The following SNTG1 variants were observed in gnomAD, a reference collection of about 807,000 sequenced individuals.
SNTG1 encodes gamma-1-syntrophin.
Under a neutral mutation model 74.7 loss-of-function variants are expected in SNTG1, and 39 were observed. The observed-to-expected ratio is 0.52, with a 90% confidence interval of 0.40 to 0.68. The LOEUF is 0.68. SNTG1 is among the 30% of genes least tolerant of loss of function. The pLI is 0.00. For synonymous variants in SNTG1, 254 were observed against 217.1 expected, an observed-to-expected ratio of 1.17 and a Z score of -1.49; for missense variants, 685 against 609.5, an observed-to-expected ratio of 1.12 and a Z score of -1.30.
intron 2 of SNTG1, among the ~76,000 whole-genome samples, chr8:50,317,566 G>A (rs13248969): frequency 0.47 from 71,408 of 151,936 alleles, 19,366 homozygotes; most frequent in East Asian, 0.83. Context: ...TGTATGAAAC[G>A]TGTTAGCACA....
At chr8:50,277,204 A>T (rs1586931428) in intron 2 of SNTG1, among the ~76,000 whole-genome samples, 1 of 149,428 alleles carries the variant, frequency 6.7e-6, no homozygotes, top group South Asian at 2.1e-4. Flanking sequence ...GAAATCAAGG[A>T]TACAGTGAGC....
chr8:50,740,281 A>T (rs2095539874), intron 17 of SNTG1, among the ~76,000 whole-genome samples: 1 of 152,050 alleles, frequency 6.6e-6, no homozygotes, highest in Non-Finnish European at 1.5e-5. Flanking sequence ...ACAAGAAAAA[A>T]AAAACAGCCT....
At chr8:50,022,670 G>C (rs1563485346) in intron 1 of SNTG1, among the ~76,000 whole-genome samples, 1 of 152,186 alleles carries the variant, frequency 6.6e-6, no homozygotes, top group Non-Finnish European at 1.5e-5. Flanking sequence ...TCGTTCATCT[G>C]CCTGCTCAGG....
At chr8:50,386,658 T>C (rs13282159) in intron 2 of SNTG1, among the ~76,000 whole-genome samples, 4,855 of 152,164 alleles carry the variant, frequency 0.032, 105 homozygotes, top group Non-Finnish European at 0.046. Context: ...CCAGGAAGCT[T>C]TTAGTCACAG....
At chr8:50,590,713 AG>A (rs1472203195) in intron 12 of SNTG1, among the ~76,000 whole-genome samples, 165 bp from the exon 13 acceptor site, 1 of 152,176 alleles carries the variant, frequency 6.6e-6, no homozygotes, top group African/African-American at 2.4e-5. Flanking sequence ...AATTTTAAAA[AG>A]AAAAAATCTG....
At chr8:50,566,305 G>A (rs927409339) in intron 12 of SNTG1, among the ~76,000 whole-genome samples, 5 of 152,030 alleles carry the variant, frequency 3.3e-5, no homozygotes, top group African/African-American at 1.2e-4. Flanking sequence ...AAAACAACCG[G>A]AAACTTTGAG....
At chr8:50,659,014 TC>T (rs2095202047) in intron 15 of SNTG1, among the ~76,000 whole-genome samples, 1 of 152,186 alleles carries the variant, frequency 6.6e-6, no homozygotes, top group African/African-American at 2.4e-5. Context: ...TTTTTTTAAT[TC>T]TTTTTTTCTG....
At chr8:49,972,386 A>C (rs1811773001) in intron 1 of SNTG1, among the ~76,000 whole-genome samples, 1 of 152,200 alleles carries the variant, frequency 6.6e-6, no homozygotes, top group Non-Finnish European at 1.5e-5. Flanking sequence ...TAAAGACTTC[A>C]ATGTTAGACC....
chr8:50,289,152 C>T (rs2088948263), intron 2 of SNTG1, among the ~76,000 whole-genome samples: 1 of 152,028 alleles, frequency 6.6e-6, no homozygotes, highest in Admixed American at 6.6e-5. Flanking sequence ...GGGTAGAAGA[C>T]TACTATATAA....
chr8:49,977,381 G>T (rs1396886925), intron 1 of SNTG1, among the ~76,000 whole-genome samples: 1 of 152,126 alleles, frequency 6.6e-6, no homozygotes, highest in Admixed American at 6.5e-5. Context: ...TTGAAACTAG[G>T]AAGGATATGA....
chr8:50,027,536 C>A (rs1216375907), intron 1 of SNTG1, among the ~76,000 whole-genome samples: 2 of 152,116 alleles, frequency 1.3e-5, no homozygotes, highest in Non-Finnish European at 2.9e-5. Flanking sequence ...AGGAAGGGTG[C>A]CATATGACGA....
At chr8:50,779,573 A>G (rs1416389236) in intron 18 of SNTG1, among the ~76,000 whole-genome samples, 1 of 152,150 alleles carries the variant, frequency 6.6e-6, no homozygotes, top group Non-Finnish European at 1.5e-5. Context: ...GACTTTGCCG[A>G]AGTTGCTTAT....
chr8:50,732,107 A>G lies in SNTG1; in HGVS notation c.1285-19894A>G, dbSNP rs566418655. 4.9e-4 allele frequency among the ~76,000 whole-genome samples: 75 copies of G among 152,144 alleles called. No individual in the cohort carries two copies. In the South Asian group the frequency reaches 0.015, roughly 30 times the overall value. Reference sequence around the variant, plus strand: ...TATCAAACCTCTTTCATATGACTCTAATACACATTCTTATAGCCAGAGGAA... The same window carrying G: ...TATCAAACCTCTTTCATATGACTCTGATACACATTCTTATAGCCAGAGGAA... On this transcript the variant is annotated intron_variant, in intron 17 of 18. Coordinates refer to ENST00000642720, the MANE Select transcript of SNTG1 (RefSeq NM_018967.5).
chr8:50,337,460 G>T (rs910630365), intron 2 of SNTG1, among the ~76,000 whole-genome samples: 2 of 152,308 alleles, frequency 1.3e-5, no homozygotes, highest in African/African-American at 4.8e-5. Context: ...AACAATCTGA[G>T]AAAAATTTCT....
At chr8:50,590,380 T>C (rs2094683767) in intron 12 of SNTG1, among the ~76,000 whole-genome samples, 1 of 152,166 alleles carries the variant, frequency 6.6e-6, no homozygotes. Context: ...TAAATTCTTA[T>C]AAAATGTCAT....
chr8:50,260,023 C>G (rs2087102789), intron 2 of SNTG1, among the ~76,000 whole-genome samples: 1 of 152,116 alleles, frequency 6.6e-6, no homozygotes, highest in Admixed American at 6.6e-5. Context: ...CAGGTTTTCA[C>G]CAAAAAGATT....
chr8:50,033,163 T>A (rs1284188173), intron 1 of SNTG1, among the ~76,000 whole-genome samples: 1 of 151,870 alleles, frequency 6.6e-6, no homozygotes, highest in Non-Finnish European at 1.5e-5. Context: ...TTGCCCGGGT[T>A]GGAGTGCAAT....
intron 8 of SNTG1, among the ~76,000 whole-genome samples, chr8:50,472,107 A>G (rs1053678507): frequency 6.6e-6 from 1 of 152,188 alleles, no homozygotes; most frequent in Non-Finnish European, 1.5e-5. Flanking sequence ...TTTTATTAAT[A>G]CATCAGAACT....
chr8:50,626,014 C>A (rs191445890), intron 13 of SNTG1, among the ~76,000 whole-genome samples: 7 of 152,132 alleles, frequency 4.6e-5, no homozygotes, highest in Admixed American at 4.6e-4. Flanking sequence ...GGCTTCAAAC[C>A]GATTATATAA....
Sources: gnomAD v4.1 joint callset for allele counts (sites outside exome capture counted in the v4.1 genomes callset) on GRCh38, gnomAD v4.1.1 for gene constraint, MANE v1.5 for transcripts, NCBI Gene and HGNC (gene_info 2026-07-23, HGNC 2026-07-21) for gene names.